Variants in NRXN3 observed in about 807,000 individuals in gnomAD.
The protein encoded by NRXN3 is neurexin III.
NRXN3 carries 32 observed loss-of-function variants against 137.6 expected under a neutral mutation model. The ratio of observed to expected loss-of-function variants is 0.23; its 90% CI spans 0.18 to 0.31. The LOEUF is 0.31. Ranked by LOEUF, NRXN3 falls within the 10% of genes least tolerant of loss-of-function variation. The probability of loss-of-function intolerance (pLI) is 1.00; values close to 1 mark genes in which losing one functional copy is unlikely to be tolerated. For synonymous variants in NRXN3, 798 were observed against 784.5 expected, an observed-to-expected ratio of 1.02 and a Z score of -0.29; for missense variants, 1,574 against 2,062.5, an observed-to-expected ratio of 0.76 and a Z score of 4.59.
At chr14:79,026,787 T>C (rs2099598657) in intron 15 of NRXN3, among the ~76,000 whole-genome samples, 1 of 151,758 alleles carries the variant, frequency 6.6e-6, no homozygotes, top group Admixed American at 6.6e-5. Context: ...TACAGTCCTA[T>C]CACCTCAAAT....
intron 16 of NRXN3, among the ~76,000 whole-genome samples, chr14:79,519,874 A>G (rs1352433415): frequency 6.6e-6 from 1 of 150,786 alleles, no homozygotes; most frequent in Non-Finnish European, 1.5e-5. Flanking sequence ...TTAATTTTCA[A>G]TGCATAAGTC....
chr14:79,492,700 A>C (rs985719761), intron 16 of NRXN3, among the ~76,000 whole-genome samples: 2 of 152,138 alleles, frequency 1.3e-5, no homozygotes, highest in African/African-American at 4.8e-5. Flanking sequence ...ATTTTCTAGA[A>C]TACATTTATC....
At chr14:79,691,029 A>G (rs1217565178) in intron 17 of NRXN3, among the ~76,000 whole-genome samples, 1 of 152,078 alleles carries the variant, frequency 6.6e-6, no homozygotes, top group Non-Finnish European at 1.5e-5. Context: ...CAATTCACTA[A>G]TTTCTGCCAG....
At chr14:78,696,036 A>G (rs1252436032) in intron 6 of NRXN3, among the ~76,000 whole-genome samples, 1 of 152,050 alleles carries the variant, frequency 6.6e-6, no homozygotes, top group African/African-American at 2.4e-5. Context: ...GCTCCTAAAC[A>G]TGCTTCATCC....
At chr14:79,421,799 C>T (rs1000384772) in intron 15 of NRXN3, among the ~76,000 whole-genome samples, 1 of 151,952 alleles carries the variant, frequency 6.6e-6, no homozygotes, top group Non-Finnish European at 1.5e-5. Flanking sequence ...TCTTTCAAAG[C>T]ATCAAAAGAA....
rs377535361 is a variant in NRXN3 at position 79,430,443 on chromosome 14, C to T, written c.3263-36778C>T. Among the ~76,000 whole-genome samples, 178 of 152,160 alleles carry T rather than the reference C, an allele frequency of 1.2e-3. 1 individual carries two copies. The highest frequency in any genetic ancestry group is 3.7e-3 in the African/African-American group (154 of 41,514). ...ATTTGTGCAAATGGTAGTTGCACAC[C>T]CAATTATTGCTTCTGGGTTTCCCAT... On this transcript the variant is annotated intron_variant, in intron 15 of 20. Coordinates refer to ENST00000335750, the MANE Select transcript of NRXN3 (RefSeq NM_001330195.2).
intron 16 of NRXN3, among the ~76,000 whole-genome samples, chr14:79,630,444 T>C (rs2098332963): frequency 6.6e-6 from 1 of 152,182 alleles, no homozygotes; most frequent in Non-Finnish European, 1.5e-5. Context: ...CCACGTTGGA[T>C]TTTGGAATCT....
At chr14:79,809,597 T>G (rs2099224181) in intron 20 of NRXN3, among the ~76,000 whole-genome samples, 1 of 152,206 alleles carries the variant, frequency 6.6e-6, no homozygotes, top group Non-Finnish European at 1.5e-5. Context: ...AAAGTTATAA[T>G]AAAACCATCT....
chr14:79,473,473 C>A (rs1405800258), intron 16 of NRXN3, among the ~76,000 whole-genome samples: 1 of 152,130 alleles, frequency 6.6e-6, no homozygotes, highest in Non-Finnish European at 1.5e-5. Flanking sequence ...AGTAAACGAT[C>A]AGCATCTGCT....
At chr14:79,149,051 G>A (rs1000679362) in intron 15 of NRXN3, among the ~76,000 whole-genome samples, 31 of 152,206 alleles carry the variant, frequency 2.0e-4, no homozygotes, top group African/African-American at 7.0e-4. Context: ...ATGCATAAGA[G>A]GGTGAAAACC....
intron 15 of NRXN3, among the ~76,000 whole-genome samples, chr14:79,264,115 T>A (rs1054839698): frequency 6.6e-6 from 1 of 152,070 alleles, no homozygotes; most frequent in Non-Finnish European, 1.5e-5. Flanking sequence ...TGAGACAGGG[T>A]CTTGCTCTGT....
At chr14:78,936,748 C>T (rs927718929) in intron 10 of NRXN3, among the ~76,000 whole-genome samples, 2 of 152,140 alleles carry the variant, frequency 1.3e-5, no homozygotes, top group Non-Finnish European at 2.9e-5. Flanking sequence ...TAGCCTCAGC[C>T]ACAGTTAGCC....
intron 15 of NRXN3, among the ~76,000 whole-genome samples, chr14:79,014,814 C>T (rs993897415): frequency 6.6e-6 from 1 of 151,948 alleles, no homozygotes; most frequent in African/African-American, 2.4e-5. Context: ...AGTTGCTGTC[C>T]CTTGGATGGA....
chr14:78,566,474 C>T (rs2096837288), intron 4 of NRXN3, among the ~76,000 whole-genome samples: 1 of 151,732 alleles, frequency 6.6e-6, no homozygotes, highest in Non-Finnish European at 1.5e-5. Context: ...TTTAAGTGTG[C>T]TGGGGCTGGG....
At chr14:78,714,723 C>T (rs559000268) in intron 7 of NRXN3, 33 bp from the exon 8 acceptor site, 8 of 1,599,130 alleles carry the variant, frequency 5.0e-6, no homozygotes, top group Non-Finnish European at 6.8e-6. Context: ...AAGCAACTGG[C>T]AGACTCACCT....
intron 4 of NRXN3, among the ~76,000 whole-genome samples, chr14:78,485,249 G>T (rs1042586995): frequency 4.6e-5 from 7 of 152,200 alleles, no homozygotes; most frequent in African/African-American, 1.7e-4. Context: ...CCGGTTGGGA[G>T]ATTCAAGAAG....
At chr14:78,269,857 G>T (rs1365950247) in intron 2 of NRXN3, among the ~76,000 whole-genome samples, 1 of 152,158 alleles carries the variant, frequency 6.6e-6, no homozygotes, top group Non-Finnish European at 1.5e-5. Context: ...TGGGAAGTCG[G>T]AGTCTTTCCA....
chr14:79,285,516 T>C (rs1461679268), intron 15 of NRXN3, among the ~76,000 whole-genome samples: 1 of 152,162 alleles, frequency 6.6e-6, no homozygotes, highest in East Asian at 1.9e-4. Context: ...GTAGAGTAAA[T>C]GTCTGAGACC....
intron 15 of NRXN3, among the ~76,000 whole-genome samples, chr14:79,295,814 A>G (rs2083994213): frequency 1.3e-5 from 2 of 152,288 alleles, no homozygotes; most frequent in African/African-American, 4.8e-5. Flanking sequence ...AGCTGACTCC[A>G]TAATATCTGG....
Sources: allele counts gnomAD v4.1 joint callset (sites outside exome capture counted in the v4.1 genomes callset), GRCh38; gene constraint gnomAD v4.1.1; transcripts MANE v1.5; gene names NCBI Gene and HGNC (gene_info 2026-07-23, HGNC 2026-07-21).